Variants in USP50 observed in about 807,000 individuals in gnomAD.
The protein encoded by USP50 is ubiquitin carboxyl-terminal hydrolase 50.
USP50 carries 37 observed loss-of-function variants against 39.2 expected under a neutral mutation model. The ratio of observed to expected loss-of-function variants is 0.94; its 90% CI spans 0.73 to 1.24. The LOEUF is 1.24. Among genes scored for constraint, USP50 ranks in the 50% most tolerant of loss-of-function variants. The pLI, the probability that USP50 is intolerant of heterozygous loss-of-function variation, is 0.00. For synonymous variants in USP50, 139 were observed against 144.5 expected, an observed-to-expected ratio of 0.96 and a Z score of 0.27; for missense variants, 374 against 398.2, an observed-to-expected ratio of 0.94 and a Z score of 0.52.
downstream of USP50, chr15:50,495,960 C>T (rs1022495273): frequency 1.2e-6 from 2 of 1,613,844 alleles, no homozygotes; most frequent in Non-Finnish European, 1.7e-6. Context: ...ATTATTGTTG[C>T]ACTTTTTCAG....
chr15:50,517,864 A>G (rs571015042), intron 6 of USP50, among the ~76,000 whole-genome samples: 1 of 152,246 alleles, frequency 6.6e-6, no homozygotes, highest in South Asian at 2.1e-4. Context: ...AACTACAGGT[A>G]TGTGCCACTA....
At chr15:50,532,567 T>C (rs889503009) in intron 5 of USP50, among the ~76,000 whole-genome samples, 2 of 152,154 alleles carry the variant, frequency 1.3e-5, no homozygotes, top group Admixed American at 6.6e-5. Context: ...CAGTTTCTCT[T>C]ACCCAGTTCA....
At chr15:50,495,483 TGGA>T (rs1566891792) in intron 1 of USP50, among the ~76,000 whole-genome samples, 1 of 94,402 alleles carries the variant, frequency 1.1e-5, no homozygotes, top group Non-Finnish European at 2.4e-5. Flanking sequence ...TAGTAGAGAT[TGGA>T]GGGGGGGGTC....
In USP50 at chr15:50,538,605, A is replaced by G. The variant is rs1398238891; in HGVS notation, c.803+104T>C. Reference sequence around the variant, plus strand: ...AAAACAATAATGTAATATACCAAATATCATTGAATTGTATACTCTAAATGG... The same window carrying G: ...AAAACAATAATGTAATATACCAAATGTCATTGAATTGTATACTCTAAATGG... On this transcript the variant is annotated intron_variant, in intron 5 of 6. Transcript: ENST00000532404. The G allele has an allele frequency of 2.4e-5, 29 of 1,210,946 alleles. No individual in the cohort carries two copies. In the South Asian group the frequency reaches 5.6e-4, roughly 23 times the overall value. The allele number at this position is 1,210,946 out of a possible 1,614,324, so 75.0% of individuals were successfully genotyped here. A position where few individuals can be genotyped will look rare whatever the true frequency, so the allele number is the denominator to read the frequency against.
intron 5 of USP50, among the ~76,000 whole-genome samples, chr15:50,538,454 G>A (rs2053001495): frequency 6.6e-6 from 1 of 152,108 alleles, no homozygotes; most frequent in South Asian, 2.1e-4. Flanking sequence ...GGGTGAGGAA[G>A]AAGTTTTAGA....
At chr15:50,494,633 T>C (rs1169104306) in intron 1 of USP50, among the ~76,000 whole-genome samples, 2 of 152,264 alleles carry the variant, frequency 1.3e-5, no homozygotes, top group Non-Finnish European at 2.9e-5. Context: ...AATATGTATA[T>C]GTTATTGTAC....
chr15:50,520,288 G>A (rs1296368693), intron 6 of USP50, among the ~76,000 whole-genome samples: 1 of 148,690 alleles, frequency 6.7e-6, no homozygotes, highest in Non-Finnish European at 1.5e-5. Flanking sequence ...TCTAGCCTTG[G>A]GCAACAGAGA....
chr15:50,497,042 T>G, downstream of USP50: 1 of 1,561,296 alleles, frequency 6.4e-7, no homozygotes, highest in East Asian at 2.3e-5. Context: ...CTGACATTAT[T>G]GAAGAATCGA....
chr15:50,495,948 C>T, downstream of USP50: 1 of 1,613,764 alleles, frequency 6.2e-7, no homozygotes, highest in Non-Finnish European at 8.5e-7. Context: ...CTCAATGAGT[C>T]TATTATTGTT....
chr15:50,518,340 C>A (rs2052819931), intron 6 of USP50, among the ~76,000 whole-genome samples: 3 of 151,628 alleles, frequency 2.0e-5, no homozygotes. Context: ...CCTGCCTCAG[C>A]CTCCTGAGTA....
intron 3 of USP50, among the ~76,000 whole-genome samples, chr15:50,541,608 C>A (rs1475520936): frequency 1.3e-5 from 2 of 151,836 alleles, no homozygotes; most frequent in African/African-American, 4.8e-5. Flanking sequence ...TGGATTCAGA[C>A]AATAGAGTAA....
At chr15:50,529,282 G>A (rs1381817334) in intron 6 of USP50, among the ~76,000 whole-genome samples, 1 of 151,816 alleles carries the variant, frequency 6.6e-6, no homozygotes, top group Non-Finnish European at 1.5e-5. Flanking sequence ...GGCCAGGGTG[G>A]GAGGGTCCCT....
Position 50,546,521 on chromosome 15 carries a change from G to A in USP50, c.5C>T (p.Thr2Ile), listed in dbSNP as rs1417007344. ...ATCTGCAGGGAGAGACGGCTGAGAA[G>A]TCATTTTAATGGAACCACGTTGGAC... is the stretch of plus-strand genomic sequence containing the variant. Reference protein sequence around the residue: MTSQPSLPADDF... With the variant: MISQPSLPADDF... The change falls in exon 1 of 7, where the codon ACT becomes ATT. Residue 2 changes from threonine to isoleucine, a missense_variant. Transcript: ENST00000532404. 2 of 1,613,674 alleles carry A rather than the reference G, an allele frequency of 1.2e-6. No homozygotes were observed. The highest frequency in any genetic ancestry group is 2.2e-5 in the East Asian group (1 of 44,874).
chr15:50,546,287 A>AC (rs1314043519), intron 1 of USP50, among the ~76,000 whole-genome samples, 186 bp downstream of exon 1: 1 of 152,106 alleles, frequency 6.6e-6, no homozygotes, highest in African/African-American at 2.4e-5. Context: ...CTAGACTGTC[A>AC]CCCTTTAGGA....
intron 6 of USP50, among the ~76,000 whole-genome samples, chr15:50,525,689 A>G (rs2052890179): frequency 1.7e-5 from 2 of 117,046 alleles, no homozygotes; most frequent in Non-Finnish European, 3.6e-5. Context: ...TATATTATAT[A>G]TGTATATGTA....
At chr15:50,539,255 C>T (rs978497069) in intron 4 of USP50, among the ~76,000 whole-genome samples, 4 of 150,984 alleles carry the variant, frequency 2.6e-5, no homozygotes, top group African/African-American at 4.9e-5. Context: ...ATTACAAGTG[C>T]GCACCACCAA....
chr15:50,494,726 A>ATTAC (rs2052308626), intron 1 of USP50, among the ~76,000 whole-genome samples: 1 of 152,176 alleles, frequency 6.6e-6, no homozygotes, highest in Admixed American at 6.5e-5. Flanking sequence ...TAAAATAAGA[A>ATTAC]TTACTTGGCT....
chr15:50,496,103 G>A (rs2052390042), downstream of USP50: 3 of 1,556,662 alleles, frequency 1.9e-6, no homozygotes, highest in Non-Finnish European at 1.8e-6. Flanking sequence ...AAGAAGTAGA[G>A]AGAAAATGAT....
At position 50,543,656 on chromosome 15, in the gene USP50, T is replaced by C. The variant is rs774677254; in HGVS notation, c.386A>G (p.Gln129Arg). The change falls in exon 3 of 7, where the codon CAA becomes CGA. Residue 129 changes from glutamine to arginine, a missense_variant. Physicochemically the swap from Gln to Arg is conservative, Grantham distance 43 (BLOSUM62 1). Transcript: ENST00000532404. ...LYPAFTKKMQ[Q>R]DAQEFLICVL... The stretch of plus-strand genomic sequence containing the variant: ...ACAAATCAAGAATTCCTGAGCATCT[T>C]GTTGCATCTTTTTCGTAAATGCTGG... 6.8e-6 allele frequency: 11 copies of C among 1,613,806 alleles called. No homozygotes were observed. The African/African-American group carries it at 1.3e-4, about 20-fold the overall frequency.
Sources: gnomAD v4.1 joint callset for allele counts (sites outside exome capture counted in the v4.1 genomes callset) on GRCh38, gnomAD v4.1.1 for gene constraint, MANE v1.5 for transcripts, NCBI Gene and HGNC (gene_info 2026-07-23, HGNC 2026-07-21) for gene names.